CHMP4B: variants seen among roughly 807,000 people sequenced by gnomAD.
CHMP4B encodes the protein SNF7 homolog associated with Alix 1.
CHMP4B carries 1 observed loss-of-function variant against 25.1 expected under a neutral mutation model. The ratio of observed to expected loss-of-function variants is 0.04; its 90% CI spans 0.01 to 0.19. CHMP4B has a LOEUF of 0.19. Ranked by LOEUF, CHMP4B falls within the 10% of genes least tolerant of loss-of-function variation. The pLI is 1.00. For synonymous variants in CHMP4B, 101 were observed against 115.6 expected (o/e 0.87, Z 0.81); for missense variants, 151 against 289.7 (o/e 0.52, Z 3.48).
intron 1 of CHMP4B, among the ~76,000 whole-genome samples, chr20:33,817,453 C>T (rs1171579423): frequency 6.6e-6 from 1 of 152,212 alleles, no homozygotes; most frequent in Non-Finnish European, 1.5e-5. Flanking sequence ...TTTAACTAAA[C>T]GTGAAGACCT....
At chr20:33,852,483 G>A (rs1979882605) in intron 4 of CHMP4B, among the ~76,000 whole-genome samples, 1 of 149,906 alleles carries the variant, frequency 6.7e-6, no homozygotes, top group Admixed American at 6.6e-5. Flanking sequence ...ATGGAGGGTG[G>A]GGGCGGGGTT....
chr20:33,847,495 G>T (rs1209439862), intron 1 of CHMP4B, among the ~76,000 whole-genome samples: 1 of 152,184 alleles, frequency 6.6e-6, no homozygotes, highest in African/African-American at 2.4e-5. Context: ...CTGAGACCGT[G>T]AGGGGAAGGA....
At chr20:33,832,084 A>G (rs1568608060) in intron 1 of CHMP4B, among the ~76,000 whole-genome samples, 1 of 152,104 alleles carries the variant, frequency 6.6e-6, no homozygotes, top group Non-Finnish European at 1.5e-5. Context: ...ACAAGCGCGC[A>G]CATTGGAAGT....
chr20:33,836,421 A>G (rs1450004326), intron 1 of CHMP4B, among the ~76,000 whole-genome samples: 3 of 151,878 alleles, frequency 2.0e-5, no homozygotes, highest in East Asian at 3.9e-4. Flanking sequence ...AATCCCTACT[A>G]TTAAGACAAG....
At chr20:33,832,806 T>A (rs1979289841) in intron 1 of CHMP4B, among the ~76,000 whole-genome samples, 1 of 146,180 alleles carries the variant, frequency 6.8e-6, no homozygotes. Flanking sequence ...AGAGACAGGG[T>A]CTCGTTCTGT....
At chr20:33,849,856 C>T (rs1979798699) in intron 2 of CHMP4B, among the ~76,000 whole-genome samples, 1 of 152,188 alleles carries the variant, frequency 6.6e-6, no homozygotes, top group Admixed American at 6.5e-5. Context: ...GCTCACTGCA[C>T]TCTCAAAATC....
At chr20:33,845,068 C>A (rs1441091179) in intron 1 of CHMP4B, among the ~76,000 whole-genome samples, 2 of 151,958 alleles carry the variant, frequency 1.3e-5, no homozygotes, top group South Asian at 2.1e-4. Context: ...CGAGTGTTTG[C>A]TCTTATGAAC....
intron 1 of CHMP4B, among the ~76,000 whole-genome samples, chr20:33,822,012 A>T (rs370292507): frequency 1.5e-4 from 22 of 149,428 alleles, no homozygotes; most frequent in African/African-American, 5.4e-4. Context: ...TTTTGTAGAG[A>T]TGGGGTTTTG....
chr20:33,852,494 G>T (rs567797602), intron 4 of CHMP4B, among the ~76,000 whole-genome samples: 1 of 151,906 alleles, frequency 6.6e-6, no homozygotes, highest in African/African-American at 2.4e-5. Context: ...GGGCGGGGTT[G>T]TCCGGTGCAC....
At chr20:33,815,148 C>T (rs557229411) in intron 1 of CHMP4B, among the ~76,000 whole-genome samples, 1 of 152,316 alleles carries the variant, frequency 6.6e-6, no homozygotes, top group East Asian at 1.9e-4. Flanking sequence ...GGGCAGGTTA[C>T]TCTGTACCTC....
chr20:33,811,594 C>T lies in CHMP4B; in HGVS notation c.126C>T (p.Phe42=), dbSNP rs745654601. The T allele has an allele frequency of 2.2e-5, 36 of 1,613,838 alleles. No individual in the cohort carries two copies. Among genetic ancestry groups the T allele is most frequent in the Admixed American group, 3.3e-5 (2 of 59,964 alleles). ...TEEMLSKKQE[F]LEKKIEQELT... Reference sequence around the variant, plus strand: ...AGATGTTAAGCAAGAAACAGGAGTTCCTGGAGAAGAAAATCGAGCAGGAGC... The same window carrying T: ...AGATGTTAAGCAAGAAACAGGAGTTTCTGGAGAAGAAAATCGAGCAGGAGC... Residue 42 remains phenylalanine (F), a synonymous_variant, in exon 1 of 5, where the codon TTC becomes TTT. Coordinates refer to ENST00000217402, the MANE Select transcript of CHMP4B (RefSeq NM_176812.5).
chr20:33,845,978 G>T (rs1302741247), intron 1 of CHMP4B, among the ~76,000 whole-genome samples: 1 of 152,152 alleles, frequency 6.6e-6, no homozygotes, highest in East Asian at 1.9e-4. Context: ...TGCAGGACCG[G>T]GCAGGCCATA....
intron 1 of CHMP4B, among the ~76,000 whole-genome samples, chr20:33,821,045 G>C (rs1378092385): frequency 6.6e-6 from 1 of 152,188 alleles, no homozygotes; most frequent in Admixed American, 6.5e-5. Context: ...TAGGAACTAA[G>C]AAACCTGAGC....
chr20:33,811,760 C>T (rs1978624638), intron 1 of CHMP4B, 102 bp downstream of exon 1: 14 of 1,225,870 alleles, frequency 1.1e-5, no homozygotes, highest in Non-Finnish European at 1.6e-5. Flanking sequence ...TGGTCTGACC[C>T]TGGAACTCTC....
At chr20:33,811,762 G>A in intron 1 of CHMP4B, 104 bp downstream of exon 1, 1 of 1,195,792 alleles carries the variant, frequency 8.4e-7, no homozygotes, top group Non-Finnish European at 1.2e-6. Context: ...GTCTGACCCT[G>A]GAACTCTCCG....
intron 1 of CHMP4B, 23 bp downstream of exon 1, chr20:33,811,681 G>A (rs777212130): frequency 6.2e-7 from 1 of 1,609,284 alleles, no homozygotes; most frequent in East Asian, 2.2e-5. Flanking sequence ...GGCCCCTTCA[G>A]ACTTGCCACG....
chr20:33,817,798 G>A lies in CHMP4B; in HGVS notation c.190+6140G>A, dbSNP rs554481529. On this transcript the variant is annotated intron_variant, in intron 1 of 4. Coordinates refer to ENST00000217402, the MANE Select transcript of CHMP4B (RefSeq NM_176812.5). ...TTAGTTGGTCATTTTGCAGATGGAT[G>A]ATTATATTTAGAAGGGGAAAATCTG... Among the ~76,000 whole-genome samples the A allele has an allele frequency of 2.0e-5, 3 of 152,330 alleles. No homozygotes were observed. The East Asian group carries it at 5.8e-4, about 29-fold the overall frequency.
intron 2 of CHMP4B, among the ~76,000 whole-genome samples, chr20:33,850,089 T>C (rs1465300970): frequency 1.3e-5 from 2 of 152,240 alleles, no homozygotes; most frequent in African/African-American, 4.8e-5. Flanking sequence ...AAAAGTTTTA[T>C]TGAAATACAG....
chr20:33,854,152 G>A lies in CHMP4B; in HGVS notation c.*592G>A, dbSNP rs1979941172. The A allele has an allele frequency of 6.4e-6, 1 of 156,854 alleles. No individual in the cohort carries two copies. Among genetic ancestry groups the A allele is most frequent in the Admixed American group, 6.2e-5 (1 of 16,234 alleles). 9.7% of individuals were successfully genotyped at this position (156,854 alleles called of 1,614,324 possible). ...CCCCTTGCTCCCCTGGTCTTCTGGA[G>A]TTTGTGACATTGATTTGAAATGGAT... On this transcript the variant is annotated 3_prime_UTR_variant, in exon 5 of 5. Coordinates refer to ENST00000217402, the MANE Select transcript of CHMP4B (RefSeq NM_176812.5).
Sources: gnomAD v4.1 joint callset for allele counts (sites outside exome capture counted in the v4.1 genomes callset) on GRCh38, gnomAD v4.1.1 for gene constraint, MANE v1.5 for transcripts, NCBI Gene and HGNC (gene_info 2026-07-23, HGNC 2026-07-21) for gene names.